CPLX4: variants seen among roughly 807,000 people sequenced by gnomAD.
The protein encoded by CPLX4 is complexin 4.
A neutral mutation model predicts 16.1 loss-of-function variants in CPLX4; 17 were observed. The ratio of observed to expected loss-of-function variants is 1.06; its 90% CI spans 0.72 to 1.59. The LOEUF (loss-of-function observed/expected upper bound fraction) is 1.59, where lower values mean the gene tolerates loss of function less well. Ranked by LOEUF, CPLX4 falls within the 40% of genes most tolerant of loss-of-function variation. The pLI, the probability that CPLX4 is intolerant of heterozygous loss-of-function variation, is 0.00. For missense variants in CPLX4, 193 were observed against 192.9 expected, an observed-to-expected ratio of 1.00 and a Z score of 0.00; for synonymous variants, 55 against 57.8, an observed-to-expected ratio of 0.95 and a Z score of 0.22.
At chr18:59,317,223 C>T (rs1264668566) in intron 1 of CPLX4, among the ~76,000 whole-genome samples, 2 of 151,962 alleles carry the variant, frequency 1.3e-5, no homozygotes, top group Non-Finnish European at 2.9e-5. Flanking sequence ...ATCATCTTAG[C>T]GATAGGATTT....
intron 1 of CPLX4, among the ~76,000 whole-genome samples, chr18:59,313,764 G>A (rs1375337239): frequency 1.3e-5 from 2 of 152,222 alleles, no homozygotes; most frequent in Admixed American, 6.5e-5. Context: ...TCTGGCTGCT[G>A]AGGAAGAACA....
At chr18:59,317,457 T>G (rs112136523) in intron 1 of CPLX4, among the ~76,000 whole-genome samples, 1 of 152,128 alleles carries the variant, frequency 6.6e-6, no homozygotes, top group Non-Finnish European at 1.5e-5. Context: ...GTTGGTGATA[T>G]TCACATTCTA....
chr18:59,312,817 GGACATTCCTGCCCGTGCTCA>G, intron 1 of CPLX4, 45 bp from the exon 2 acceptor site: 1 of 886,970 alleles, frequency 1.1e-6, no homozygotes, highest in African/African-American at 1.6e-5. Context: ...AGAGAGCTAA[GGACATTCCTGCCCGTGCTCA>G]GAGGAGCCAG....
At chr18:59,301,002 T>A (rs909894815) in intron 2 of CPLX4, among the ~76,000 whole-genome samples, 2 of 152,252 alleles carry the variant, frequency 1.3e-5, no homozygotes, top group African/African-American at 4.8e-5. Flanking sequence ...ACATAAGTGC[T>A]GATAGAAGTT....
At position 59,308,969 on chromosome 18, in the gene CPLX4, TG is replaced by T. The variant is rs375575082; in HGVS notation, c.255+3715del. ...GGTTTGCAAGCGCAAAGTGTTGCACTGGGGTAGGGGAAGTTAGCCACAGCTG... is the reference window on the plus strand; with the variant it reads ...GGTTTGCAAGCGCAAAGTGTTGCACTGGGTAGGGGAAGTTAGCCACAGCTG... On this transcript the variant is annotated intron_variant, in intron 2 of 2. Transcript: ENST00000299721. Among the ~76,000 whole-genome samples, 24 of 152,298 alleles carry T rather than the reference TG, an allele frequency of 1.6e-4. No homozygotes were observed. In the East Asian group the frequency reaches 1.9e-3, roughly 12 times the overall value.
At chr18:59,314,336 G>C (rs1036382936) in intron 1 of CPLX4, among the ~76,000 whole-genome samples, 4 of 150,032 alleles carry the variant, frequency 2.7e-5, no homozygotes, top group Non-Finnish European at 4.4e-5. Context: ...TCTACAATTG[G>C]CATCTCACTG....
intron 2 of CPLX4, among the ~76,000 whole-genome samples, chr18:59,307,404 G>A (rs1313704768): frequency 6.6e-6 from 1 of 152,212 alleles, no homozygotes; most frequent in Non-Finnish European, 1.5e-5. Context: ...AAGGTTGGAG[G>A]GAAGTGATGG....
intron 2 of CPLX4, among the ~76,000 whole-genome samples, chr18:59,310,574 C>T (rs747215150): frequency 1.3e-5 from 2 of 152,074 alleles, no homozygotes; most frequent in Non-Finnish European, 1.5e-5. Flanking sequence ...TAAGGACTGG[C>T]GGTCCTCAAG....
At chr18:59,310,598 A>G (rs1377245113) in intron 2 of CPLX4, among the ~76,000 whole-genome samples, 1 of 152,096 alleles carries the variant, frequency 6.6e-6, no homozygotes, top group African/African-American at 2.4e-5. Flanking sequence ...CCTGGTTGTT[A>G]TTATCAGGAA....
rs1379561572 is a variant in CPLX4, at chr18:59,296,773, ATCCAAG to A, written c.402_407del (p.Leu135_Asp136del). Reference sequence around the variant, plus strand: ...TGGCCTGGGCTTTTTCTTTTATGGTATCCAAGTCCATGTTCTGGAGATTCTGTATCT... The same window carrying A: ...TGGCCTGGGCTTTTTCTTTTATGGTATCCATGTTCTGGAGATTCTGTATCT... On this transcript the variant is annotated inframe_deletion, in exon 3 of 3. Transcript: ENST00000299721. The A allele has an allele frequency of 6.2e-7, 1 of 1,612,618 alleles. No homozygotes were observed. Among genetic ancestry groups the A allele is most frequent in the African/African-American group, 1.3e-5 (1 of 74,842 alleles).
chr18:59,308,509 T>C (rs113112318), intron 2 of CPLX4, among the ~76,000 whole-genome samples: 2,419 of 149,372 alleles, frequency 0.016, 64 homozygotes, highest in African/African-American at 0.055. Flanking sequence ...TGTTTTGTTT[T>C]CCCCCCCATC....
chr18:59,300,295 T>A (rs745383680), intron 2 of CPLX4, among the ~76,000 whole-genome samples: 9 of 152,136 alleles, frequency 5.9e-5, no homozygotes, highest in Non-Finnish European at 1.3e-4. Flanking sequence ...ATCACGCCAC[T>A]GAACTCCAGC....
intron 1 of CPLX4, among the ~76,000 whole-genome samples, chr18:59,314,386 CA>C (rs1019309865): frequency 6.6e-6 from 1 of 152,116 alleles, no homozygotes; most frequent in Admixed American, 6.5e-5. Context: ...TCTTTATCCA[CA>C]TTTTACTTTT....
intron 2 of CPLX4, among the ~76,000 whole-genome samples, chr18:59,311,330 G>A (rs375746223): frequency 6.6e-6 from 1 of 152,272 alleles, no homozygotes; most frequent in East Asian, 1.9e-4. Flanking sequence ...TTTTATTGTG[G>A]GTTTTCCTTC....
At position 59,297,834 on chromosome 18, in the gene CPLX4, C is replaced by A. The variant is rs530088691; in HGVS notation, c.256-909G>T. On this transcript the variant is annotated intron_variant, in intron 2 of 2. Transcript: ENST00000299721. ...TTCTTAATCATGGCTCTTTTCCTCC[C>A]TTCCACTAGACAGGGAGCCCGTCAT... Among the ~76,000 whole-genome samples, 4 of 152,300 alleles carry A rather than the reference C, an allele frequency of 2.6e-5. No homozygotes were observed. In the South Asian group the frequency reaches 8.3e-4, roughly 32 times the overall value.
intron 1 of CPLX4, among the ~76,000 whole-genome samples, chr18:59,314,583 C>G (rs1009471964): frequency 6.6e-6 from 1 of 152,166 alleles, no homozygotes; most frequent in African/African-American, 2.4e-5. Context: ...AAAGCACACA[C>G]CTGTGTAACC....
intron 1 of CPLX4, among the ~76,000 whole-genome samples, chr18:59,314,155 C>T (rs897925742): frequency 2.6e-5 from 4 of 152,106 alleles, no homozygotes; most frequent in African/African-American, 9.7e-5. Context: ...GAGAGAACAT[C>T]GGGTTCAACC....
chr18:59,314,882 A>G lies in CPLX4; in HGVS notation c.168-2110T>C, dbSNP rs73960767. On this transcript the variant is annotated intron_variant, in intron 1 of 2. Transcript: ENST00000299721. ...GTAGTAAGTATTCTATTGTTTGCGC[A>G]AATACAATCACCATTTGTCTAGTCA... Among the ~76,000 whole-genome samples, 1,163 of 152,306 alleles carry G rather than the reference A, an allele frequency of 7.6e-3. 15 individuals are homozygous for G. Among genetic ancestry groups the G allele is most frequent in the African/African-American group, 0.026 (1,091 of 41,550 alleles).
intron 1 of CPLX4, among the ~76,000 whole-genome samples, chr18:59,316,254 T>TGC (rs1392776918): frequency 2.7e-5 from 3 of 112,756 alleles, no homozygotes; most frequent in Non-Finnish European, 5.3e-5. Context: ...CAGTGGTGCG[T>TGC]GCGCACACAC....
Sources: gnomAD v4.1 joint callset for allele counts (sites outside exome capture counted in the v4.1 genomes callset) on GRCh38, gnomAD v4.1.1 for gene constraint, MANE v1.5 for transcripts, NCBI Gene and HGNC (gene_info 2026-07-23, HGNC 2026-07-21) for gene names.